The following ARHGEF11 variants were observed in gnomAD, a reference collection of about 807,000 sequenced individuals.
The protein encoded by ARHGEF11 is Rho guanine nucleotide exchange factor 11.
ARHGEF11 carries 55 observed loss-of-function variants against 193.7 expected under a neutral mutation model. That is an observed-to-expected ratio of 0.28 (90% CI 0.23 to 0.36). The LOEUF is 0.36. Ranked by LOEUF, ARHGEF11 falls within the 10% of genes least tolerant of loss-of-function variation. The pLI, the probability that ARHGEF11 is intolerant of heterozygous loss-of-function variation, is 1.00. For synonymous variants in ARHGEF11, 693 were observed against 768.0 expected, an observed-to-expected ratio of 0.90 and a Z score of 1.62; for missense variants, 1,723 against 2,005.6, an observed-to-expected ratio of 0.86 and a Z score of 2.69.
chr1:157,040,435 G>A (rs1672597493), intron 1 of ARHGEF11, among the ~76,000 whole-genome samples: 1 of 152,150 alleles, frequency 6.6e-6, no homozygotes, highest in Non-Finnish European at 1.5e-5. Flanking sequence ...AAAGTCATAC[G>A]CTTTTAAGAC....
chr1:157,042,261 AC>A (rs1361794312), intron 1 of ARHGEF11, among the ~76,000 whole-genome samples: 1 of 152,160 alleles, frequency 6.6e-6, no homozygotes, highest in Non-Finnish European at 1.5e-5. Flanking sequence ...GAGCCCCAAG[AC>A]TGAACCCCCA....
Position 157,044,575 on chromosome 1 carries a change from AAAG to A in ARHGEF11, c.-248_-246del. 1 of 480,028 alleles carries A rather than the reference AAAG, an allele frequency of 2.1e-6. No homozygotes were observed. Among genetic ancestry groups the A allele is most frequent in the Non-Finnish European group, 3.7e-6 (1 of 271,512 alleles). 29.7% of individuals were successfully genotyped at this position (480,028 alleles called of 1,614,324 possible). On this transcript the variant is annotated 5_prime_UTR_variant, in exon 1 of 41. Transcript: ENST00000368194. ...TTAAAAAAAAAGAAAAGAAAAGAAA[AAAG>A]AAAAAAAAAGGAAAAGAGGAAAAAC...
Position 157,044,288 on chromosome 1 carries a change from A to T in ARHGEF11, c.32+11T>A. ...GTCAATGTTGAAAAATCAAATTATTAGCAAACCTACCTGTCTATACTCTGG... is the reference window on the plus strand; with the variant it reads ...GTCAATGTTGAAAAATCAAATTATTTGCAAACCTACCTGTCTATACTCTGG... On this transcript the variant is annotated intron_variant, in intron 1 of 40. Transcript: ENST00000368194. 1 of 1,612,724 alleles carries T rather than the reference A, an allele frequency of 6.2e-7. No homozygotes were observed. The highest frequency in any genetic ancestry group is 8.5e-7 in the Non-Finnish European group (1 of 1,179,336).
chr1:156,954,674 G>A (rs929752508), intron 21 of ARHGEF11, among the ~76,000 whole-genome samples: 2 of 152,232 alleles, frequency 1.3e-5, no homozygotes, highest in Middle Eastern at 3.2e-3. Flanking sequence ...CTCGTACCTG[G>A]CATGAGGGTG....
At chr1:157,022,592 C>T (rs1670126043) in intron 1 of ARHGEF11, among the ~76,000 whole-genome samples, 1 of 152,148 alleles carries the variant, frequency 6.6e-6, no homozygotes. Flanking sequence ...GATGATACTA[C>T]TCCACAAAGT....
At chr1:157,033,277 T>C (rs1671513540) in intron 1 of ARHGEF11, among the ~76,000 whole-genome samples, 1 of 152,122 alleles carries the variant, frequency 6.6e-6, no homozygotes, top group Non-Finnish European at 1.5e-5. Context: ...AATAGTACTA[T>C]GCAGTAGCCC....
chr1:156,945,169 G>A lies in ARHGEF11; in HGVS notation c.2841C>T (p.Cys947=). Residue 947 remains cysteine, a synonymous_variant, in exon 30 of 41, where the codon TGC becomes TGT. Coordinates refer to ENST00000368194, the MANE Select transcript of ARHGEF11 (RefSeq NM_198236.3). ...EGGTSEHEKL[C]RARDQCREIL... ...TCTCCCGGCACTGGTCCCGGGCCCG[G>A]CACAGCTTCTCATGCTCAGAGGTGC... 1.9e-6 allele frequency: 3 copies of A among 1,613,986 alleles called. No individual in the cohort carries two copies. In the South Asian group the frequency reaches 3.3e-5, roughly 18 times the overall value.
chr1:157,020,845 G>A (rs190506172), intron 1 of ARHGEF11, among the ~76,000 whole-genome samples: 56 of 152,274 alleles, frequency 3.7e-4, no homozygotes, highest in Admixed American at 3.0e-3. Flanking sequence ...TGCTGATATC[G>A]ATAAAGCAAC....
chr1:156,945,206 A>T lies in ARHGEF11; in HGVS notation c.2813-9T>A, dbSNP rs772393627. 1.9e-6 allele frequency: 3 copies of T among 1,612,812 alleles called. No individual in the cohort carries two copies. The highest frequency in any genetic ancestry group is 2.2e-5 in the South Asian group (2 of 90,982). ...ATGCTCAGAGGTGCCACCTACCAAA[A>T]TGGACAGAAGAGATGGTTGGGGCTC... On this transcript the variant is annotated splice_polypyrimidine_tract_variant and intron_variant, in intron 29 of 40. Coordinates refer to ENST00000368194, the MANE Select transcript of ARHGEF11 (RefSeq NM_198236.3).
chr1:156,988,098 G>C (rs1665191074), intron 1 of ARHGEF11, among the ~76,000 whole-genome samples: 1 of 152,190 alleles, frequency 6.6e-6, no homozygotes, highest in Non-Finnish European at 1.5e-5. Context: ...AATGCCTGAT[G>C]CCCGGGGAAG....
chr1:157,039,887 T>C (rs764889243), intron 1 of ARHGEF11, among the ~76,000 whole-genome samples: 1 of 152,282 alleles, frequency 6.6e-6, no homozygotes, highest in Non-Finnish European at 1.5e-5. Flanking sequence ...CTATACAAAC[T>C]AGAGTTTCTA....
chr1:156,937,535 A>G (rs1343321263), intron 38 of ARHGEF11, 39 bp from the exon 39 acceptor site: 2 of 1,502,208 alleles, frequency 1.3e-6, no homozygotes, highest in Admixed American at 4.7e-5. Flanking sequence ...GGAGGCAAAC[A>G]GAGAAGTCGA....
intron 1 of ARHGEF11, among the ~76,000 whole-genome samples, chr1:157,008,401 C>CGCAT (rs1557945109): frequency 2.9e-5 from 1 of 34,356 alleles, no homozygotes; most frequent in African/African-American, 8.9e-5. Context: ...GAAGCTTGCA[C>CGCAT]GCACGCACAC....
At chr1:157,028,846 T>G (rs372328619) in intron 1 of ARHGEF11, among the ~76,000 whole-genome samples, 2 of 151,832 alleles carry the variant, frequency 1.3e-5, no homozygotes, top group Non-Finnish European at 2.9e-5. Flanking sequence ...ATCCTAGCTA[T>G]AATCAAAAAG....
intron 10 of ARHGEF11, 138 bp from the exon 11 acceptor site, chr1:156,968,262 T>G: frequency 5.2e-5 from 47 of 909,408 alleles, no homozygotes; most frequent in Non-Finnish European, 6.7e-5. Flanking sequence ...TGCCTGGTAT[T>G]ATACTAAGCC....
At chr1:156,968,924 T>C (rs1228913538) in intron 10 of ARHGEF11, among the ~76,000 whole-genome samples, 1 of 152,258 alleles carries the variant, frequency 6.6e-6, no homozygotes, top group Non-Finnish European at 1.5e-5. Context: ...AAGACGATGT[T>C]ATTCCTGGAC....
intron 32 of ARHGEF11, among the ~76,000 whole-genome samples, chr1:156,943,461 G>C (rs1657495925): frequency 6.6e-6 from 1 of 152,204 alleles, no homozygotes; most frequent in Non-Finnish European, 1.5e-5. Flanking sequence ...AGTGAATCCA[G>C]AGAATTTTGC....
intron 1 of ARHGEF11, among the ~76,000 whole-genome samples, chr1:157,001,618 A>C (rs965378381): frequency 1.3e-5 from 2 of 152,358 alleles, no homozygotes; most frequent in Non-Finnish European, 1.5e-5. Flanking sequence ...GGCTCTGGCT[A>C]TGCAGGCACT....
chr1:157,042,042 T>C (rs1188192462), intron 1 of ARHGEF11, among the ~76,000 whole-genome samples: 1 of 152,228 alleles, frequency 6.6e-6, no homozygotes, highest in Non-Finnish European at 1.5e-5. Context: ...TTGAGGCTGA[T>C]GTTGCCCAAA....
Sources: allele counts gnomAD v4.1 joint callset (sites outside exome capture counted in the v4.1 genomes callset), GRCh38; gene constraint gnomAD v4.1.1; transcripts MANE v1.5; gene names NCBI Gene and HGNC (gene_info 2026-07-23, HGNC 2026-07-21).